The following NRG3 variants were observed in gnomAD, a reference collection of about 807,000 sequenced individuals.
NRG3 encodes neuregulin 3.
In NRG3, 31 loss-of-function variants were observed where a neutral mutation model predicts 66.9. The ratio of observed to expected loss-of-function variants is 0.46; its 90% CI spans 0.35 to 0.63. NRG3 has a LOEUF of 0.63. NRG3 is among the 20% of genes least tolerant of loss of function. The pLI is 0.00. For missense variants in NRG3, 910 were observed against 878.9 expected (o/e 1.04, Z -0.45); for synonymous variants, 393 against 359.4 (o/e 1.09, Z -1.06).
chr10:82,836,270 T>A (rs1299175739), intron 3 of NRG3, among the ~76,000 whole-genome samples: 2 of 151,972 alleles, frequency 1.3e-5, no homozygotes, highest in East Asian at 1.9e-4. Context: ...TAAAAAAAAA[T>A]TGATGATCAT....
At chr10:82,878,792 C>A (rs1023860073) in intron 4 of NRG3, among the ~76,000 whole-genome samples, 3 of 152,146 alleles carry the variant, frequency 2.0e-5, no homozygotes, top group African/African-American at 7.2e-5. Flanking sequence ...TAAAAGCATA[C>A]CATTCCCCTG....
At chr10:82,290,625 A>G (rs1013768120) in intron 1 of NRG3, among the ~76,000 whole-genome samples, 6 of 137,534 alleles carry the variant, frequency 4.4e-5, no homozygotes, top group African/African-American at 1.6e-4. Context: ...GCAGTGCTCA[A>G]TGACTTCAAA....
intron 2 of NRG3, among the ~76,000 whole-genome samples, chr10:82,483,150 C>T (rs913265382): frequency 6.6e-6 from 1 of 152,192 alleles, no homozygotes; most frequent in African/African-American, 2.4e-5. Flanking sequence ...TATGCACTCC[C>T]TACTTGTCCA....
rs1488667563 is a variant in NRG3 at position 82,846,841 on chromosome 10, T to C, written c.1028-18570T>C. Among the ~76,000 whole-genome samples the C allele has an allele frequency of 3.3e-5, 5 of 152,210 alleles. No homozygotes were observed. The East Asian group carries it at 9.6e-4, about 29-fold the overall frequency. On this transcript the variant is annotated intron_variant, in intron 3 of 8. Coordinates refer to ENST00000372141, the MANE Select transcript of NRG3 (RefSeq NM_001010848.4). ...GAGTTGTGGTGCAAACAGAACCACA[T>C]AGAATATACAAAATACGCACCTACT...
intron 1 of NRG3, among the ~76,000 whole-genome samples, chr10:82,028,406 T>G (rs1408825236): frequency 6.6e-6 from 1 of 152,106 alleles, no homozygotes; most frequent in Non-Finnish European, 1.5e-5. Context: ...ATAGTCTCAC[T>G]CTCATTGGGG....
chr10:82,114,789 G>A (rs1401847175), intron 1 of NRG3, among the ~76,000 whole-genome samples: 2 of 152,106 alleles, frequency 1.3e-5, no homozygotes, highest in East Asian at 1.9e-4. Context: ...CTTTCATGAT[G>A]TGTTTTTGGA....
intron 2 of NRG3, among the ~76,000 whole-genome samples, chr10:82,648,274 T>C (rs2051119583): frequency 6.6e-6 from 1 of 152,122 alleles, no homozygotes; most frequent in Non-Finnish European, 1.5e-5. Flanking sequence ...CGTTTCCCCA[T>C]TGCTTGTTTT....
At chr10:82,151,098 A>G (rs1323186668) in intron 1 of NRG3, among the ~76,000 whole-genome samples, 1 of 152,222 alleles carries the variant, frequency 6.6e-6, no homozygotes, top group Admixed American at 6.5e-5. Flanking sequence ...AAGCAAATAC[A>G]GAAACTCAGC....
intron 2 of NRG3, among the ~76,000 whole-genome samples, chr10:82,657,037 C>A (rs2051927111): frequency 1.3e-5 from 2 of 152,042 alleles, no homozygotes; most frequent in South Asian, 4.1e-4. Context: ...TTCCTACTTC[C>A]TCACCTCTTT....
At chr10:82,732,847 C>T (rs2820102) in intron 2 of NRG3, among the ~76,000 whole-genome samples, 103,562 of 152,036 alleles carry the variant, frequency 0.68, 35,710 homozygotes, top group East Asian at 0.8. Flanking sequence ...TCCATTTTCC[C>T]CAACCAAGGA....
At chr10:82,692,844 T>C (rs1176863650) in intron 2 of NRG3, among the ~76,000 whole-genome samples, 1 of 129,262 alleles carries the variant, frequency 7.7e-6, no homozygotes, top group Non-Finnish European at 1.8e-5. Context: ...AATATCTTGA[T>C]GTTTAGAACT....
chr10:82,783,172 A>C (rs1423199492), intron 3 of NRG3, among the ~76,000 whole-genome samples: 1 of 152,002 alleles, frequency 6.6e-6, no homozygotes, highest in Non-Finnish European at 1.5e-5. Flanking sequence ...CATGCTAAAA[A>C]CTCTCAATAA....
Position 82,416,998 on chromosome 10 carries a change from A to C in NRG3, c.953+58130A>C, listed in dbSNP as rs2088631552. Among the ~76,000 whole-genome samples the C allele has an allele frequency of 2.0e-5, 3 of 152,154 alleles. No individual in the cohort carries two copies. In the South Asian group the frequency reaches 6.2e-4, roughly 31 times the overall value. On this transcript the variant is annotated intron_variant, in intron 2 of 8. Transcript: ENST00000372141. ...AACACTGTGGTTATCAATAGATTTT[A>C]GTACCATTTTTGCCAGAAAGTTGAG...
At chr10:82,061,445 T>C (rs890337033) in intron 1 of NRG3, among the ~76,000 whole-genome samples, 2 of 152,180 alleles carry the variant, frequency 1.3e-5, no homozygotes, top group African/African-American at 4.8e-5. Context: ...ATTTATATTG[T>C]TCTTCCAATT....
At chr10:82,686,691 C>T (rs1178223621) in intron 2 of NRG3, among the ~76,000 whole-genome samples, 1 of 152,138 alleles carries the variant, frequency 6.6e-6, no homozygotes, top group Non-Finnish European at 1.5e-5. Flanking sequence ...TTATGCAGTG[C>T]ATGAGTGTAT....
At chr10:81,887,762 A>G (rs60827755) in intron 1 of NRG3, among the ~76,000 whole-genome samples, 16,928 of 152,112 alleles carry the variant, frequency 0.11, 942 homozygotes, top group South Asian at 0.18. Context: ...CAGAACAAAT[A>G]TATGATTCTA....
At chr10:81,951,943 T>TA (rs1176396293) in intron 1 of NRG3, among the ~76,000 whole-genome samples, 3 of 151,942 alleles carry the variant, frequency 2.0e-5, no homozygotes, top group Admixed American at 6.6e-5. Context: ...TATGCAGCCA[T>TA]AAAAAAGGAT....
intron 3 of NRG3, among the ~76,000 whole-genome samples, chr10:82,790,594 G>A (rs1591534663): frequency 6.6e-6 from 1 of 152,026 alleles, no homozygotes; most frequent in East Asian, 1.9e-4. Flanking sequence ...TGAGCCTCTT[G>A]GATGTATGAA....
chr10:82,713,133 A>G, intron 2 of NRG3, among the ~76,000 whole-genome samples: 1 of 147,414 alleles, frequency 6.8e-6, no homozygotes, highest in Non-Finnish European at 1.5e-5. Flanking sequence ...AAAAAAAAAA[A>G]AAAAAAAAAA....
Sources: allele counts gnomAD v4.1 joint callset (sites outside exome capture counted in the v4.1 genomes callset), GRCh38; gene constraint gnomAD v4.1.1; transcripts MANE v1.5; gene names NCBI Gene and HGNC (gene_info 2026-07-23, HGNC 2026-07-21).